ZNF449: variants seen among roughly 807,000 people sequenced by gnomAD.
ZNF449 encodes zinc finger and SCAN domain-containing protein 19.
In ZNF449, 4 loss-of-function variants were observed where a neutral mutation model predicts 32.6. The observed-to-expected ratio is 0.12, with a 90% confidence interval of 0.06 to 0.28. ZNF449 has a LOEUF of 0.28. Ranked by LOEUF, ZNF449 falls within the 10% of genes least tolerant of loss-of-function variation. The pLI is 1.00. For synonymous variants in ZNF449, 123 were observed against 132.2 expected (o/e 0.93, Z 0.48); for missense variants, 275 against 383.2 (o/e 0.72, Z 2.36).
intron 2 of ZNF449, chrX:135,348,091 G>A (rs781928775): frequency 8.5e-5 from 11 of 128,755 alleles, no homozygotes; most frequent in African/African-American, 3.2e-4. Context: ...ATTGTGAATG[G>A]GACAGCCAGA....
Position 135,352,398 on chromosome X carries a change from C to A in ZNF449, c.559+3084C>A, listed in dbSNP as rs781979238. 2.7e-5 allele frequency among the ~76,000 whole-genome samples: 3 copies of A among 111,778 alleles called. No individual in the cohort carries two copies. In the East Asian group the frequency reaches 8.4e-4, roughly 31 times the overall value. On this transcript the variant is annotated intron_variant, in intron 3 of 4. Transcript: ENST00000339249. ...TGAATTCATGCTGGACACTTTGATG[C>A]CAGAGATAGGCAATAATATTAGAAT...
intron 3 of ZNF449, 125 bp downstream of exon 3, chrX:135,349,439 G>A: frequency 1.5e-6 from 1 of 658,499 alleles, no homozygotes; most frequent in Admixed American, 3.7e-5. Context: ...TAAAGAAGAG[G>A]AAAAAGTCTC....
Position 135,349,317 on chromosome X carries a change from A to G in ZNF449, c.559+3A>G, listed in dbSNP as rs782765359. 1 of 1,208,131 alleles carries G rather than the reference A, an allele frequency of 8.3e-7. No homozygotes were observed. ...ATGTCAGAACTTTCTGGACCCTGGT[A>G]AGGCAAGGGTTTCTCTCCTTTCTTT... On this transcript the variant is annotated splice_donor_region_variant and intron_variant, in intron 3 of 4. Transcript: ENST00000339249.
intron 2 of ZNF449, 69 bp downstream of exon 2, chrX:135,347,541 A>G: frequency 3.4e-6 from 4 of 1,189,954 alleles, no homozygotes; most frequent in Non-Finnish European, 4.5e-6. Context: ...GGACTAGACC[A>G]CACATTTGTC....
chrX:135,360,752 G>T lies in ZNF449; in HGVS notation c.1233G>T (p.Glu411Asp), dbSNP rs782441175. Residue 411 changes from glutamate to aspartate, a missense_variant, in exon 5 of 5, where the codon GAG (glutamate) becomes GAT (aspartate). Glu to Asp is a conservative substitution (Grantham distance 45). This residue lies in a region of ZNF449 where 80 missense variants were observed against 146.6 expected (regional missense o/e 0.55). Transcript: ENST00000339249. ...HSEEETYKCLECGKSFCHGSS... is the reference protein window; with the variant it reads ...HSEEETYKCLDCGKSFCHGSS... ...AAGAAGAAACATATAAATGTCTTGA[G>T]TGTGGGAAAAGTTTTTGTCATGGAT... 2 of 1,211,506 alleles carry T rather than the reference G, an allele frequency of 1.7e-6. No homozygotes were observed. Among genetic ancestry groups the T allele is most frequent in the Admixed American group, 4.4e-5 (2 of 45,975 alleles).
chrX:135,350,967 C>T (rs1316651454), intron 3 of ZNF449, among the ~76,000 whole-genome samples: 2 of 111,014 alleles, frequency 1.8e-5, no homozygotes, highest in African/African-American at 6.6e-5. Context: ...GAGAAGACCT[C>T]CTGCTGCAGT....
Position 135,363,404 on chromosome X carries a change from A to G in ZNF449, c.*2328A>G, listed in dbSNP as rs2084957696. On this transcript the variant is annotated 3_prime_UTR_variant, in exon 5 of 5. Coordinates refer to ENST00000339249, the MANE Select transcript of ZNF449 (RefSeq NM_152695.6). ...CAAATATACTTGACTAGATTTTTAC[A>G]AGTTAGAGAATGTCTAATATTCTTT... Among the ~76,000 whole-genome samples the G allele has an allele frequency of 8.9e-6, 1 of 112,171 alleles. No individual in the cohort carries two copies. Among genetic ancestry groups the G allele is most frequent in the East Asian group, 2.8e-4 (1 of 3,590 alleles).
chrX:135,349,226 C>T lies in ZNF449; in HGVS notation c.471C>T (p.Ala157=), dbSNP rs2286479. 0.035 allele frequency: 42,304 copies of T among 1,209,282 alleles called. 2,597 individuals carry two copies. The highest frequency in any genetic ancestry group is 0.31 in the African/African-American group (17,643 of 56,716). ...AGGTAATGGGACCTGCCCAGGAGGC[C>T]CCAGTAGCAGAGGCATGGATCCCAC... ...ALQVMGPAQE[A]PVAEAWIPQA... Residue 157 remains alanine (A), a synonymous_variant, in exon 3 of 5, where the codon GCC becomes GCT. Transcript: ENST00000339249.
At chrX:135,355,786 C>T (rs1398110800) in intron 3 of ZNF449, among the ~76,000 whole-genome samples, 4 of 111,651 alleles carry the variant, frequency 3.6e-5, no homozygotes, top group African/African-American at 1.3e-4. Context: ...ACAATATGTA[C>T]AACTGTCACC....
chrX:135,351,658 TAAAAAA>T (rs782046147), intron 3 of ZNF449, among the ~76,000 whole-genome samples: 1 of 49,503 alleles, frequency 2.0e-5, no homozygotes, highest in Non-Finnish European at 3.6e-5. Context: ...TGAGGAATTC[TAAAAAA>T]AAAAAAAAAA....
At chrX:135,357,754 A>G (rs2084925400) in intron 3 of ZNF449, among the ~76,000 whole-genome samples, 1 of 111,375 alleles carries the variant, frequency 9.0e-6, no homozygotes, top group South Asian at 3.7e-4. Context: ...TCTTAGTAAC[A>G]GGGGTTTTTT....
intron 3 of ZNF449, among the ~76,000 whole-genome samples, chrX:135,358,001 A>G (rs2084926765): frequency 9.0e-6 from 1 of 111,074 alleles, no homozygotes; most frequent in Non-Finnish European, 1.9e-5. Flanking sequence ...TATATCTGCC[A>G]TTTTGCTTTC....
intron 3 of ZNF449, among the ~76,000 whole-genome samples, chrX:135,359,425 T>C (rs2084933753): frequency 8.9e-6 from 1 of 112,066 alleles, no homozygotes; most frequent in East Asian, 2.8e-4. Flanking sequence ...CTGCTTTTGC[T>C]AGGTTCAACC....
intron 1 of ZNF449, 37 bp from the exon 2 acceptor site, chrX:135,346,982 C>A: frequency 1.8e-6 from 1 of 559,883 alleles, no homozygotes; most frequent in African/African-American, 2.3e-5. Context: ...CTTGTGACCA[C>A]TCCTGTTTCT....
chrX:135,350,365 G>A (rs781950478), intron 3 of ZNF449, among the ~76,000 whole-genome samples: 4 of 111,466 alleles, frequency 3.6e-5, no homozygotes, highest in Admixed American at 9.5e-5. Flanking sequence ...AGTGTGGCCA[G>A]AATCCTCTCC....
intron 3 of ZNF449, among the ~76,000 whole-genome samples, chrX:135,355,946 C>A (rs953370509): frequency 3.6e-5 from 4 of 111,843 alleles, no homozygotes; most frequent in African/African-American, 1.3e-4. Flanking sequence ...TGACTAGCTT[C>A]TTTCACTTAG....
intron 1 of ZNF449, among the ~76,000 whole-genome samples, chrX:135,345,557 TGCTATTCG>T (rs1257315631): frequency 8.9e-6 from 1 of 112,457 alleles, no homozygotes; most frequent in African/African-American, 3.2e-5. Flanking sequence ...CCGGGCATGC[TGCTATTCG>T]CTTCGCATGC....
chrX:135,350,717 C>T (rs934947512), intron 3 of ZNF449, among the ~76,000 whole-genome samples: 4 of 111,635 alleles, frequency 3.6e-5, no homozygotes, highest in South Asian at 7.5e-4. Flanking sequence ...GTTAGTAGGA[C>T]GTTTTGTCCT....
At chrX:135,352,415 T>C (rs1022987930) in intron 3 of ZNF449, among the ~76,000 whole-genome samples, 9 of 112,045 alleles carry the variant, frequency 8.0e-5, no homozygotes, top group African/African-American at 2.9e-4. Context: ...TAGGCAATAA[T>C]ATTAGAATGT....
Sources: allele counts gnomAD v4.1 joint callset (sites outside exome capture counted in the v4.1 genomes callset), GRCh38; gene constraint gnomAD v4.1.1; regional missense constraint gnomAD v4.1.1; transcripts MANE v1.5; gene names NCBI Gene and HGNC (gene_info 2026-07-23, HGNC 2026-07-21).